KIAA0319: variants seen among roughly 807,000 people sequenced by gnomAD.
The protein encoded by KIAA0319 is dyslexia-associated protein KIAA0319.
In KIAA0319, 83 loss-of-function variants were observed where a neutral mutation model predicts 108.4. That is an observed-to-expected ratio of 0.77 (90% CI 0.64 to 0.92). The LOEUF (loss-of-function observed/expected upper bound fraction) is 0.92, where lower values mean the gene tolerates loss of function less well. Ranked by LOEUF, KIAA0319 falls within the 40% of genes least tolerant of loss-of-function variation. The pLI is 0.00. For synonymous variants in KIAA0319, 484 were observed against 510.4 expected, an observed-to-expected ratio of 0.95 and a Z score of 0.70; for missense variants, 1,195 against 1,322.4, an observed-to-expected ratio of 0.90 and a Z score of 1.49.
intron 1 of KIAA0319, among the ~76,000 whole-genome samples, chr6:24,611,174 C>CT (rs57550162): frequency 0.024 from 3,267 of 136,700 alleles, 36 homozygotes; most frequent in Middle Eastern, 0.046. Context: ...ACAGTTTTTG[C>CT]TTTTTTTTTT....
At chr6:24,612,027 G>A (rs1295973333) in intron 1 of KIAA0319, among the ~76,000 whole-genome samples, 3 of 146,768 alleles carry the variant, frequency 2.0e-5, no homozygotes, top group Non-Finnish European at 4.5e-5. Flanking sequence ...CAGCCTGGGT[G>A]ATAGAGTGAG....
chr6:24,561,340 T>C (rs999902842), intron 16 of KIAA0319, among the ~76,000 whole-genome samples: 2 of 152,238 alleles, frequency 1.3e-5, no homozygotes, highest in Admixed American at 6.5e-5. Context: ...TTTTGCAGAA[T>C]TAATCAGTGA....
In KIAA0319 at chr6:24,544,577, A is replaced by G. The variant is rs914634179; in HGVS notation, c.*2588T>C. 3.9e-5 allele frequency: 6 copies of G among 152,126 alleles called. No homozygotes were observed. The highest frequency in any genetic ancestry group is 1.4e-4 in the African/African-American group (6 of 41,414). The allele number at this position is 152,126 out of a possible 1,614,324, so 9.4% of individuals were successfully genotyped here. ...TCTTACCTTGCTGCATGTTTTTCAG[A>G]TAGTTCCTTAGTCATACACATGCTT... On this transcript the variant is annotated 3_prime_UTR_variant, in exon 21 of 21. Coordinates refer to ENST00000378214, the MANE Select transcript of KIAA0319 (RefSeq NM_014809.4).
intron 1 of KIAA0319, among the ~76,000 whole-genome samples, chr6:24,626,726 T>C (rs553673441): frequency 1.3e-5 from 2 of 152,346 alleles, no homozygotes; most frequent in East Asian, 3.9e-4. Context: ...TGTGAGGATA[T>C]AGCAGTGAAT....
chr6:24,642,073 G>GGA (rs1391814850), intron 1 of KIAA0319, among the ~76,000 whole-genome samples: 1 of 133,522 alleles, frequency 7.5e-6, no homozygotes, highest in Non-Finnish European at 1.6e-5. Flanking sequence ...AGGGGAGGAA[G>GGA]GAGAGAGAGA....
At chr6:24,609,944 G>C (rs375528861) in intron 1 of KIAA0319, among the ~76,000 whole-genome samples, 9 of 152,156 alleles carry the variant, frequency 5.9e-5, no homozygotes, top group Admixed American at 4.6e-4. Context: ...ACTCAAAATG[G>C]ATCGAGACCC....
In KIAA0319 at chr6:24,596,046, G is replaced by A. The variant is rs145256717; in HGVS notation, c.628C>T (p.Gln210Ter). Residue 210 changes from glutamine (Q) to a stop codon, truncating the protein, a stop_gained, in exon 3 of 21, where the codon CAG (glutamine) becomes TAG (stop). Coordinates refer to ENST00000378214, the MANE Select transcript of KIAA0319 (RefSeq NM_014809.4). LOFTEE classifies it high-confidence loss of function. ...GDSPAVPAET[Q>*]QDPELHYLNE... ...AGGTAATGGAGCTCAGGGTCCTGCT[G>A]CGTCTCCGCTGGCACCGCAGGACTG... 4 of 1,614,124 alleles carry A rather than the reference G, an allele frequency of 2.5e-6. No individual in the cohort carries two copies. Among genetic ancestry groups the A allele is most frequent in the Non-Finnish European group, 3.4e-6 (4 of 1,179,988 alleles).
chr6:24,592,791 C>T (rs926973351), intron 3 of KIAA0319, among the ~76,000 whole-genome samples: 3 of 151,952 alleles, frequency 2.0e-5, no homozygotes, highest in Admixed American at 6.6e-5. Context: ...GGCAACATAG[C>T]GAAATCCCAT....
intron 3 of KIAA0319, among the ~76,000 whole-genome samples, chr6:24,590,206 A>C (rs958320087): frequency 7.2e-5 from 11 of 152,012 alleles, no homozygotes; most frequent in African/African-American, 2.7e-4. Flanking sequence ...GATCCCTTAC[A>C]TCACTACAAA....
At position 24,576,557 on chromosome 6, in the gene KIAA0319, T is replaced by C. The variant is rs75720688; in HGVS notation, c.1545A>G (p.Thr515=). 5.2e-4 allele frequency: 834 copies of C among 1,614,088 alleles called. 2 individuals carry two copies. The African/African-American group carries it at 8.7e-3, about 17-fold the overall frequency. Reference sequence around the variant, plus strand: ...CATTGTTCACTATTAGGGCTGCAGTTGTAGAGTTAGTGGCTCCGTCCGAGT... The same window carrying C: ...CATTGTTCACTATTAGGGCTGCAGTCGTAGAGTTAGTGGCTCCGTCCGAGT... The part of the protein sequence containing the change: ...VTDSDGATNS[T]TAALIVNNAV... The change falls in exon 10 of 21, where the codon ACA becomes ACG. Residue 515 remains threonine (T), a synonymous_variant. Coordinates refer to ENST00000378214, the MANE Select transcript of KIAA0319 (RefSeq NM_014809.4).
At chr6:24,567,078 G>A (rs1214085487) in intron 13 of KIAA0319, among the ~76,000 whole-genome samples, 1 of 152,026 alleles carries the variant, frequency 6.6e-6, no homozygotes, top group African/African-American at 2.4e-5. Context: ...ATTGAAAGTG[G>A]CAATATTTTG....
chr6:24,612,311 G>T (rs1007290512), intron 1 of KIAA0319, among the ~76,000 whole-genome samples: 1 of 151,892 alleles, frequency 6.6e-6, no homozygotes, highest in Non-Finnish European at 1.5e-5. Context: ...AATTAGCCAA[G>T]CATAGTGGCA....
At chr6:24,609,273 CAAAAAAAA>C (rs886616830) in intron 1 of KIAA0319, among the ~76,000 whole-genome samples, 2 of 74,840 alleles carry the variant, frequency 2.7e-5, no homozygotes, top group Non-Finnish European at 5.6e-5. Flanking sequence ...GTCTCAAAAA[CAAAAAAAA>C]AAAAAAAAGA....
chr6:24,568,699 C>T, intron 13 of KIAA0319, 82 bp downstream of exon 13: 1 of 1,394,880 alleles, frequency 7.2e-7, no homozygotes, highest in Non-Finnish European at 9.8e-7. Context: ...ACCAACATCT[C>T]TGAATAGTCA....
chr6:24,616,713 C>T (rs149097204), intron 1 of KIAA0319, among the ~76,000 whole-genome samples: 121 of 152,226 alleles, frequency 7.9e-4, no homozygotes, highest in African/African-American at 2.2e-3. Context: ...ACTTTTAAAA[C>T]AACTTTTATT....
intron 14 of KIAA0319, among the ~76,000 whole-genome samples, chr6:24,565,752 CAA>C (rs71542686): frequency 3.2e-5 from 2 of 62,714 alleles, no homozygotes; most frequent in Non-Finnish European, 3.1e-5. Context: ...GACTCCATCT[CAA>C]AAAAAAAAAA....
At chr6:24,574,381 G>T (rs1765172267) in intron 10 of KIAA0319, among the ~76,000 whole-genome samples, 1 of 151,988 alleles carries the variant, frequency 6.6e-6, no homozygotes, top group Non-Finnish European at 1.5e-5. Context: ...AGGCTACGGT[G>T]AGCCATAGTT....
intron 15 of KIAA0319, 126 bp downstream of exon 15, chr6:24,564,075 TG>T: frequency 1.9e-6 from 2 of 1,069,584 alleles, no homozygotes; most frequent in Non-Finnish European, 2.7e-6. Flanking sequence ...ATCCTCAAAG[TG>T]GGTCCAGCCA....
At chr6:24,561,997 C>G (rs948200727) in intron 16 of KIAA0319, among the ~76,000 whole-genome samples, 2 of 152,232 alleles carry the variant, frequency 1.3e-5, no homozygotes, top group African/African-American at 4.8e-5. Context: ...GCCACCGCAC[C>G]TGGCCACCTG....
Sources: gnomAD v4.1 joint callset for allele counts (sites outside exome capture counted in the v4.1 genomes callset) on GRCh38, gnomAD v4.1.1 for gene constraint, MANE v1.5 for transcripts, NCBI Gene and HGNC (gene_info 2026-07-23, HGNC 2026-07-21) for gene names.